The following VPS13B variants were observed in gnomAD, a reference collection of about 807,000 sequenced individuals.
VPS13B encodes the protein vacuolar protein sorting 13 homolog B.
In VPS13B, 285 loss-of-function variants were observed where a neutral mutation model predicts 426.4. The observed-to-expected ratio is 0.67, with a 90% confidence interval of 0.61 to 0.74. The LOEUF is 0.74. VPS13B is among the 30% of genes least tolerant of loss of function. The probability of loss-of-function intolerance (pLI) is 0.00; values close to 1 mark genes in which losing one functional copy is unlikely to be tolerated. For missense variants in VPS13B, 4,537 were observed against 4,782.6 expected (o/e 0.95, Z 1.51); for synonymous variants, 1,676 against 1,676.4 (o/e 1.00, Z 0.01).
chr8:99,592,269 G>A (rs368920986), intron 33 of VPS13B, among the ~76,000 whole-genome samples: 19 of 152,002 alleles, frequency 1.2e-4, no homozygotes, highest in South Asian at 1.2e-3. Context: ...ACATCCTCCC[G>A]TAGCTTGGAG....
Position 99,875,879 on chromosome 8 carries a change from G to A in VPS13B, c.*213G>A. The A allele has an allele frequency of 1.6e-6, 1 of 607,658 alleles. No homozygotes were observed. The highest frequency in any genetic ancestry group is 2.9e-6 in the Non-Finnish European group (1 of 348,554). The allele number at this position is 607,658 out of a possible 1,614,324, so 37.6% of individuals were successfully genotyped here. On this transcript the variant is annotated 3_prime_UTR_variant, in exon 62 of 62. Coordinates refer to ENST00000357162, the MANE Select transcript of VPS13B (RefSeq NM_152564.5). ...GGGCTGCATTTTTTTAAAAAGCCTA[G>A]GCAGCTCTAACATCATCTGATATGG...
chr8:99,134,991 CTAA>C (rs1563560439), intron 9 of VPS13B, 21 bp from the exon 10 acceptor site: 1 of 1,612,926 alleles, frequency 6.2e-7, no homozygotes, highest in African/African-American at 1.3e-5. Flanking sequence ...ATTCTTAGTT[CTAA>C]TGTTTCCTTT....
At chr8:99,329,746 T>C (rs181766124) in intron 19 of VPS13B, among the ~76,000 whole-genome samples, 158 of 152,208 alleles carry the variant, frequency 1.0e-3, no homozygotes, top group African/African-American at 3.6e-3. Context: ...AATAATGTCA[T>C]TCTTATCATC....
At chr8:99,014,407 C>G (rs1487730872) in intron 2 of VPS13B, among the ~76,000 whole-genome samples, 4 of 151,762 alleles carry the variant, frequency 2.6e-5, no homozygotes, top group Admixed American at 1.3e-4. Flanking sequence ...CGTGAGCCAC[C>G]GCGCCCGGCC....
intron 34 of VPS13B, among the ~76,000 whole-genome samples, chr8:99,651,123 G>C (rs1410721805): frequency 2.6e-5 from 4 of 152,010 alleles, no homozygotes; most frequent in Non-Finnish European, 2.9e-5. Context: ...AACAACAAGG[G>C]ATGACTTTAA....
At position 99,696,210 on chromosome 8, in the gene VPS13B, A is replaced by G. The variant is rs1005374757; in HGVS notation, c.6047-3315A>G. ...CACTCTTCACGCCGTGTCTCTGATG[A>G]CTTGGTAGTAGAGAAGTCCCTCAAG... is the stretch of plus-strand genomic sequence containing the variant. On this transcript the variant is annotated intron_variant, in intron 35 of 61. Transcript: ENST00000357162. 14 of 178,684 alleles carry G rather than the reference A, an allele frequency of 7.8e-5. No homozygotes were observed. In the East Asian group the frequency reaches 2.1e-3, roughly 27 times the overall value. The allele number at this position is 178,684 out of a possible 1,614,324, so 11.1% of individuals were successfully genotyped here. A position where few individuals can be genotyped will look rare whatever the true frequency, so the allele number is the denominator to read the frequency against.
chr8:99,533,373 A>C (rs750346857), intron 30 of VPS13B, among the ~76,000 whole-genome samples: 1 of 152,224 alleles, frequency 6.6e-6, no homozygotes, highest in Non-Finnish European at 1.5e-5. Flanking sequence ...TGTTTCATGC[A>C]TTAAAATCTT....
At chr8:99,032,448 TAATA>T (rs1257226018) in intron 2 of VPS13B, among the ~76,000 whole-genome samples, 2 of 152,124 alleles carry the variant, frequency 1.3e-5, no homozygotes, top group Non-Finnish European at 2.9e-5. Flanking sequence ...ATTTCTTTTG[TAATA>T]AATTGATATT....
chr8:99,361,552 C>T (rs956764855), intron 19 of VPS13B, among the ~76,000 whole-genome samples: 1 of 152,112 alleles, frequency 6.6e-6, no homozygotes, highest in African/African-American at 2.4e-5. Context: ...TTAAATTATA[C>T]CCCACTCTTG....
chr8:99,720,348 T>C lies in VPS13B; in HGVS notation c.6661T>C (p.Phe2221Leu). Residue 2221 changes from phenylalanine to leucine, a missense_variant, in exon 38 of 62, where the codon TTC (phenylalanine) becomes CTC (leucine). Phe to Leu is a conservative substitution (Grantham distance 22). Transcript: ENST00000357162. ...IDLRGGLLQV[F>L]WGQEHLNCLV... ...GAATTTTTTTATGATTTTAAAGGTC[T>C]TCTGGGGTCAAGAACATTTGAATTG... 1 of 1,612,374 alleles carries C rather than the reference T, an allele frequency of 6.2e-7. No individual in the cohort carries two copies. The highest frequency in any genetic ancestry group is 1.3e-5 in the African/African-American group (1 of 75,006).
At chr8:99,471,671 T>A (rs1819414186) in intron 24 of VPS13B, among the ~76,000 whole-genome samples, 2 of 152,164 alleles carry the variant, frequency 1.3e-5, no homozygotes, top group African/African-American at 4.8e-5. Context: ...CCAGCTATAT[T>A]AATAATTACA....
intron 31 of VPS13B, among the ~76,000 whole-genome samples, chr8:99,564,356 T>C (rs1825085318): frequency 6.6e-6 from 1 of 152,184 alleles, no homozygotes. Context: ...CCAACCCTCC[T>C]GAAGCACTTG....
chr8:99,161,625 G>T (rs994112057), intron 15 of VPS13B, among the ~76,000 whole-genome samples: 6 of 151,974 alleles, frequency 3.9e-5, no homozygotes, highest in African/African-American at 1.5e-4. Context: ...TTTGAATACA[G>T]TCATAATGGA....
intron 17 of VPS13B, among the ~76,000 whole-genome samples, chr8:99,208,769 C>T (rs1169513818): frequency 6.6e-6 from 1 of 152,112 alleles, no homozygotes; most frequent in African/African-American, 2.4e-5. Flanking sequence ...TTTACTTTCA[C>T]AGGAAAGCCA....
At chr8:99,470,904 G>A (rs1287016647) in intron 24 of VPS13B, among the ~76,000 whole-genome samples, 1 of 151,922 alleles carries the variant, frequency 6.6e-6, no homozygotes, top group African/African-American at 2.4e-5. Context: ...TGACAATTTT[G>A]ACAGCAGATA....
rs774062799 is a variant in VPS13B at position 99,641,930 on chromosome 8, A to G, written c.5340A>G (p.Ile1780Met). ...GCAGTGACAGTGTTAAAATCAGAAT[A>G]GTGCAAATAGAGCAGCACAGTGGTG... ...GIGSDSVKIR[I>M]VQIEQHSGAS... Residue 1780 changes from isoleucine (I) to methionine (M), a missense_variant, in exon 34 of 62, where the codon ATA becomes ATG. Transcript: ENST00000357162. The G allele has an allele frequency of 1.9e-6, 3 of 1,614,152 alleles. No homozygotes were observed. In the South Asian group the frequency reaches 3.3e-5, roughly 18 times the overall value.
Position 99,778,984 on chromosome 8 carries a change from C to G in VPS13B, c.7732C>G (p.Gln2578Glu). ...TGATTCTGTATTTGTAAACCTTGGA[C>G]AGCATGTAGTCCATTCACTAAACAC... ...IVDSVFVNLG[Q>E]HVVHSLNTAI... Residue 2578 changes from glutamine (Q) to glutamate (E), a missense_variant, in exon 42 of 62, where the codon CAG (glutamine) becomes GAG (glutamate). Coordinates refer to ENST00000357162, the MANE Select transcript of VPS13B (RefSeq NM_152564.5). The G allele has an allele frequency of 6.2e-7, 1 of 1,613,866 alleles. No homozygotes were observed. The highest frequency in any genetic ancestry group is 1.3e-5 in the African/African-American group (1 of 75,040).
At chr8:99,828,790 C>G (rs1814878843) in intron 51 of VPS13B, among the ~76,000 whole-genome samples, 1 of 152,070 alleles carries the variant, frequency 6.6e-6, no homozygotes, top group Non-Finnish European at 1.5e-5. Flanking sequence ...GTAAGGCAGA[C>G]CTGGTGGTGA....
At chr8:99,544,437 C>T (rs977828312) in intron 30 of VPS13B, among the ~76,000 whole-genome samples, 1 of 151,988 alleles carries the variant, frequency 6.6e-6, no homozygotes, top group Non-Finnish European at 1.5e-5. Context: ...ACAATGTGCA[C>T]ATGTACCCTA....
Sources: allele counts gnomAD v4.1 joint callset (sites outside exome capture counted in the v4.1 genomes callset), GRCh38; gene constraint gnomAD v4.1.1; transcripts MANE v1.5; gene names NCBI Gene and HGNC (gene_info 2026-07-23, HGNC 2026-07-21).